Variants in SMCHD1 observed in about 807,000 individuals in gnomAD.
SMCHD1 encodes structural maintenance of chromosomes flexible hinge domain-containing protein 1.
Under a neutral mutation model 254.7 loss-of-function variants are expected in SMCHD1, and 78 were observed. That is an observed-to-expected ratio of 0.31 (90% CI 0.26 to 0.37). The LOEUF (loss-of-function observed/expected upper bound fraction) is 0.37, where lower values mean the gene tolerates loss of function less well. Among genes scored for constraint, SMCHD1 ranks in the 10% least tolerant of loss-of-function variants. SMCHD1 has a pLI of 1.00. For missense variants in SMCHD1, 1,840 were observed against 2,408.1 expected (o/e 0.76, Z 4.94); for synonymous variants, 766 against 794.9 (o/e 0.96, Z 0.61).
chr18:2,694,725 G>A lies in SMCHD1; in HGVS notation c.1040+32G>A, dbSNP rs554875852. On this transcript the variant is annotated intron_variant, in intron 8 of 47. Transcript: ENST00000320876. The stretch of plus-strand genomic sequence containing the variant: ...AATTATATTTGGCTTAGGAAATGTT[G>A]CTACTTAACTTTTTTAAGGCAGAAA... 33 of 1,589,274 alleles carry A rather than the reference G, an allele frequency of 2.1e-5. No individual in the cohort carries two copies. In the Middle Eastern group the frequency reaches 7.0e-4, roughly 34 times the overall value.
At position 2,707,554 on chromosome 18, in the gene SMCHD1, T is replaced by C. The variant is rs376058538; in HGVS notation, c.2064-9T>C. The C allele has an allele frequency of 3.4e-5, 53 of 1,575,774 alleles. No homozygotes were observed. In the African/African-American group the frequency reaches 6.5e-4, roughly 19 times the overall value. On this transcript the variant is annotated splice_polypyrimidine_tract_variant and intron_variant, in intron 15 of 47. Transcript: ENST00000320876. Reference sequence around the variant, plus strand: ...TTTGTGGAACATTAATATGCTGGTTTCATAACAGGCTCCCTGATAGATTGT... The same window carrying C: ...TTTGTGGAACATTAATATGCTGGTTCCATAACAGGCTCCCTGATAGATTGT...
intron 13 of SMCHD1, 69 bp from the exon 14 acceptor site, chr18:2,705,625 T>G (rs1268499916): frequency 6.3e-6 from 4 of 638,782 alleles, no homozygotes; most frequent in Admixed American, 3.5e-5. Flanking sequence ...GTAAAATTAT[T>G]ATTAAGCCTT....
intron 29 of SMCHD1, among the ~76,000 whole-genome samples, chr18:2,745,413 G>T (rs116148200): frequency 1.3e-5 from 2 of 152,190 alleles, no homozygotes; most frequent in Non-Finnish European, 2.9e-5. Context: ...AGGTTAACAT[G>T]CTCATGCCTT....
At chr18:2,710,285 T>C (rs750880188) in intron 17 of SMCHD1, among the ~76,000 whole-genome samples, 1 of 152,240 alleles carries the variant, frequency 6.6e-6, no homozygotes, top group Non-Finnish European at 1.5e-5. Flanking sequence ...ACTGTTTTTG[T>C]TTACTGTAGC....
In SMCHD1 at chr18:2,697,938, C is replaced by T. The variant is rs2074318840; in HGVS notation, c.1239C>T (p.Phe413=). The part of the protein sequence containing the change: ...YVNTAADSFE[F]KAHVEGDGVV... The stretch of plus-strand genomic sequence containing the variant: ...ACACAGCAGCTGATAGTTTTGAATT[C>T]AAAGCTCATGTTGAAGGAGATGGTG... The change falls in exon 10 of 48, where the codon TTC becomes TTT. Residue 413 remains phenylalanine, a synonymous_variant. Transcript: ENST00000320876. 6.2e-7 allele frequency: 1 copy of T among 1,613,414 alleles called. No homozygotes were observed. Among genetic ancestry groups the T allele is most frequent in the South Asian group, 1.1e-5 (1 of 91,076 alleles).
chr18:2,760,173 A>G (rs1401900885), intron 34 of SMCHD1, among the ~76,000 whole-genome samples: 1 of 152,214 alleles, frequency 6.6e-6, no homozygotes, highest in Admixed American at 6.5e-5. Flanking sequence ...CTTCTTAGGC[A>G]CTGAGTTCAT....
chr18:2,729,840 C>T (rs1288698480), intron 24 of SMCHD1, among the ~76,000 whole-genome samples: 1 of 151,886 alleles, frequency 6.6e-6, no homozygotes, highest in East Asian at 1.9e-4. Context: ...TCCCAAGTAA[C>T]TGGGACTATA....
Position 2,741,945 on chromosome 18 carries a change from A to G in SMCHD1, c.3633+1124A>G, listed in dbSNP as rs544860012. 1.9e-3 allele frequency among the ~76,000 whole-genome samples: 285 copies of G among 152,274 alleles called. 2 individuals are homozygous for G. Among genetic ancestry groups the G allele is most frequent in the African/African-American group, 6.7e-3 (277 of 41,558 alleles). ...TTCCTTTGGCCCTGTATTCCTGTCC[A>G]TCTACTGCCCTCCTCCATTTTATAG... On this transcript the variant is annotated intron_variant, in intron 28 of 47. Coordinates refer to ENST00000320876, the MANE Select transcript of SMCHD1 (RefSeq NM_015295.3).
intron 5 of SMCHD1, among the ~76,000 whole-genome samples, chr18:2,682,797 G>C (rs1371968094): frequency 6.6e-6 from 1 of 152,148 alleles, no homozygotes; most frequent in East Asian, 1.9e-4. Context: ...ATTCTCCAGA[G>C]GACTGCTGTG....
At position 2,747,588 on chromosome 18, in the gene SMCHD1, G is replaced by T. The variant is rs146798599; in HGVS notation, c.3868G>T (p.Asp1290Tyr). 99 of 1,610,906 alleles carry T rather than the reference G, an allele frequency of 6.1e-5. No individual in the cohort carries two copies. In the East Asian group the frequency reaches 2.2e-3, roughly 36 times the overall value. Reference sequence around the variant, plus strand: ...TATTGTTCAACTTTGTGATCAGTGGGATAATCCAGCACCGGTACAACATGT... The same window carrying T: ...TATTGTTCAACTTTGTGATCAGTGGTATAATCCAGCACCGGTACAACATGT... ...PIIVQLCDQWDNPAPVQHVKI... is the reference protein window; with the variant it reads ...PIIVQLCDQWYNPAPVQHVKI... The change falls in exon 30 of 48, where the codon GAT (aspartate) becomes TAT (tyrosine). Residue 1290 changes from aspartate to tyrosine, a missense_variant. Asp to Tyr is a radical substitution (Grantham distance 160, BLOSUM62 -3). Coordinates refer to ENST00000320876, the MANE Select transcript of SMCHD1 (RefSeq NM_015295.3).
intron 2 of SMCHD1, 72 bp downstream of exon 2, chr18:2,666,304 T>G: frequency 1.5e-6 from 1 of 672,748 alleles, no homozygotes; most frequent in Non-Finnish European, 2.5e-6. Context: ...GCAATAACTT[T>G]TATTAGATAT....
intron 42 of SMCHD1, among the ~76,000 whole-genome samples, chr18:2,777,427 T>G (rs577069899): frequency 1.3e-4 from 20 of 152,352 alleles, no homozygotes; most frequent in African/African-American, 4.6e-4. Context: ...CTCATATGTG[T>G]CTCAGTCTTG....
At position 2,681,008 on chromosome 18, in the gene SMCHD1, G is replaced by C. The variant is rs149923569; in HGVS notation, c.638+6863G>C. ...AAGCTAGACTCAGTGGCTCACACCT[G>C]TAATGCCAGCACTTTGGGAGGCTGA... On this transcript the variant is annotated intron_variant, in intron 5 of 47. Transcript: ENST00000320876. Among the ~76,000 whole-genome samples the C allele has an allele frequency of 4.6e-5, 7 of 152,314 alleles. No homozygotes were observed. In the East Asian group the frequency reaches 1.3e-3, roughly 29 times the overall value.
At chr18:2,722,853 A>C (rs905520179) in intron 20 of SMCHD1, among the ~76,000 whole-genome samples, 190 bp downstream of exon 20, 6 of 152,202 alleles carry the variant, frequency 3.9e-5, no homozygotes, top group African/African-American at 1.2e-4. Flanking sequence ...AAATTGCTTC[A>C]CTAAAGTTTA....
Position 2,688,687 on chromosome 18 carries a change from T to C in SMCHD1, c.813T>C (p.Asp271=). The C allele has an allele frequency of 1.9e-6, 3 of 1,546,960 alleles. No homozygotes were observed. The highest frequency in any genetic ancestry group is 2.6e-6 in the Non-Finnish European group (3 of 1,139,344). ...ACGAGCTTGTGCTTTCTAAAGAAGA[T>C]TTTGAGAAGAAGGAGAAAAATAAAG... ...DVHELVLSKE[D]FEKKEKNKEA... The change falls in exon 7 of 48, where the codon GAT becomes GAC. Residue 271 remains aspartate, a synonymous_variant. Coordinates refer to ENST00000320876, the MANE Select transcript of SMCHD1 (RefSeq NM_015295.3).
chr18:2,673,443 T>C, intron 4 of SMCHD1, 80 bp downstream of exon 4: 5 of 1,004,980 alleles, frequency 5.0e-6, no homozygotes, highest in Non-Finnish European at 6.9e-6. Context: ...AATGAGAAAA[T>C]AGAGATAAAA....
chr18:2,706,689 T>G, intron 15 of SMCHD1: 1 of 396,198 alleles, frequency 2.5e-6, no homozygotes, highest in Non-Finnish European at 4.6e-6. Context: ...ATCTTATATA[T>G]CTAAAGTGTC....
At chr18:2,708,915 T>TATATATATAAAAC (rs1568199419) in intron 17 of SMCHD1, among the ~76,000 whole-genome samples, 28 of 90,462 alleles carry the variant, frequency 3.1e-4, no homozygotes, top group African/African-American at 9.3e-4. Context: ...TATAACATAT[T>TATATATATAAAAC]AACATGAAAT....
At chr18:2,701,130 G>A in intron 12 of SMCHD1, 1 of 371,040 alleles carries the variant, frequency 2.7e-6, no homozygotes. Context: ...GACTAGGTTT[G>A]GATAGAATTT....
Sources: allele counts gnomAD v4.1 joint callset (sites outside exome capture counted in the v4.1 genomes callset), GRCh38; gene constraint gnomAD v4.1.1; transcripts MANE v1.5; gene names NCBI Gene and HGNC (gene_info 2026-07-23, HGNC 2026-07-21).